The following RGS6 variants were observed in gnomAD, a reference collection of about 807,000 sequenced individuals.
RGS6 encodes the protein regulator of G-protein signaling 6.
A neutral mutation model predicts 78.5 loss-of-function variants in RGS6; 30 were observed. That is an observed-to-expected ratio of 0.38 (90% CI 0.29 to 0.52). The LOEUF (loss-of-function observed/expected upper bound fraction) is 0.52, where lower values mean the gene tolerates loss of function less well. Among genes scored for constraint, RGS6 ranks in the 20% least tolerant of loss-of-function variants. The pLI is 0.85. For synonymous variants in RGS6, 206 were observed against 206.0 expected (o/e 1.00, Z 0.00); for missense variants, 495 against 609.7 (o/e 0.81, Z 1.98).
At chr14:72,023,115 G>T (rs760614253) in intron 2 of RGS6, among the ~76,000 whole-genome samples, 4 of 152,138 alleles carry the variant, frequency 2.6e-5, no homozygotes, top group Non-Finnish European at 5.9e-5. Flanking sequence ...TTACCAACTT[G>T]CCATTTCCAT....
the RGS6 span, among the ~76,000 whole-genome samples, chr14:71,879,729 G>A: frequency 1.3e-5 from 2 of 152,182 alleles, no homozygotes; most frequent in African/African-American, 4.8e-5. Flanking sequence ...GGAACTGTGA[G>A]TATATTAAAG....
intron 2 of RGS6, among the ~76,000 whole-genome samples, chr14:72,112,601 C>G (rs1203565185): frequency 1.3e-5 from 2 of 152,182 alleles, no homozygotes; most frequent in South Asian, 4.1e-4. Context: ...TTATTTGTTT[C>G]TTAGAAACTG....
chr14:72,016,365 A>G (rs1375608384), intron 2 of RGS6, among the ~76,000 whole-genome samples: 1 of 151,666 alleles, frequency 6.6e-6, no homozygotes, highest in Non-Finnish European at 1.5e-5. Flanking sequence ...TTTTATTTTT[A>G]TGTTTATTTT....
chr14:71,987,254 C>G (rs897711857), intron 2 of RGS6, among the ~76,000 whole-genome samples: 6 of 152,082 alleles, frequency 3.9e-5, no homozygotes, highest in Non-Finnish European at 8.8e-5. Flanking sequence ...GCAATCTAAA[C>G]TAAGTCTGGG....
intron 3 of RGS6, among the ~76,000 whole-genome samples, chr14:72,398,272 A>T (rs1566732759): frequency 6.6e-6 from 1 of 152,180 alleles, no homozygotes; most frequent in Non-Finnish European, 1.5e-5. Context: ...TTCCTGGTTT[A>T]GTCTTGGGAG....
the RGS6 span, among the ~76,000 whole-genome samples, chr14:71,923,350 G>A: frequency 6.6e-6 from 1 of 152,206 alleles, no homozygotes; most frequent in African/African-American, 2.4e-5. Flanking sequence ...GGCAAAGTAT[G>A]AATGGAGCAT....
intron 2 of RGS6, among the ~76,000 whole-genome samples, chr14:72,105,401 A>G (rs1225785284): frequency 6.6e-6 from 1 of 152,150 alleles, no homozygotes; most frequent in Non-Finnish European, 1.5e-5. Context: ...ATCATGTTCT[A>G]TTCCTTTTTG....
chr14:72,560,797 C>CGTGTGTGTGTGTGT (rs57504072), intron 17 of RGS6, among the ~76,000 whole-genome samples: 110 of 141,320 alleles, frequency 7.8e-4, no homozygotes, highest in Non-Finnish European at 1.2e-3. Flanking sequence ...ATTTTGTGGA[C>CGTGTGTGTGTGTGT]GTGTGTGTGT....
At chr14:72,338,233 G>A (rs2076388019) in intron 2 of RGS6, among the ~76,000 whole-genome samples, 1 of 152,198 alleles carries the variant, frequency 6.6e-6, no homozygotes, top group African/African-American at 2.4e-5. Flanking sequence ...CCAAGACTGG[G>A]TAATTTATAA....
chr14:72,361,948 G>A (rs148925510), intron 3 of RGS6, among the ~76,000 whole-genome samples: 51 of 152,300 alleles, frequency 3.3e-4, no homozygotes, highest in African/African-American at 1.0e-3. Context: ...TAGCCACCAC[G>A]TAAGAGGGCT....
chr14:72,087,572 A>G (rs185272872), intron 2 of RGS6, among the ~76,000 whole-genome samples: 2 of 152,176 alleles, frequency 1.3e-5, no homozygotes, highest in African/African-American at 4.8e-5. Context: ...CCAGAGAAAT[A>G]CGCGTATTAT....
chr14:72,129,746 T>G (rs2096275871), intron 2 of RGS6, among the ~76,000 whole-genome samples: 2 of 152,104 alleles, frequency 1.3e-5, no homozygotes, highest in African/African-American at 4.8e-5. Flanking sequence ...GGGAGAAGCT[T>G]CCAGGCCTCC....
intron 3 of RGS6, among the ~76,000 whole-genome samples, chr14:72,365,013 G>C (rs181447131): frequency 2.6e-4 from 40 of 152,324 alleles, no homozygotes; most frequent in Non-Finnish European, 5.9e-5. Flanking sequence ...ACCACATTGA[G>C]TTGAAAATTT....
rs754637956 is a variant in RGS6 at position 72,472,838 on chromosome 14, G to A, written c.537-34G>A. 5 of 1,483,556 alleles carry A rather than the reference G, an allele frequency of 3.4e-6. No homozygotes were observed. In the South Asian group the frequency reaches 5.8e-5, roughly 17 times the overall value. The allele number at this position is 1,483,556 out of a possible 1,614,324, so 91.9% of individuals were successfully genotyped here. ...GTCAGAAGGGAAAACAGAATACAGA[G>A]CTTCTTATTTCCTTCCTCTCTTTAC... On this transcript the variant is annotated intron_variant, in intron 8 of 17. Transcript: ENST00000553525.
intron 2 of RGS6, among the ~76,000 whole-genome samples, chr14:71,992,496 G>A (rs1381050996): frequency 6.6e-6 from 1 of 152,186 alleles, no homozygotes; most frequent in Admixed American, 6.5e-5. Context: ...CCACAGCCCT[G>A]TGTAGTGTAG....
chr14:72,607,340 A>G, the RGS6 span, among the ~76,000 whole-genome samples: 1 of 152,242 alleles, frequency 6.6e-6, no homozygotes, highest in Non-Finnish European at 1.5e-5. Context: ...TTCGGTGTCC[A>G]GCAAGGGCCT....
At chr14:71,875,090 T>C in the RGS6 span, among the ~76,000 whole-genome samples, 1 of 152,188 alleles carries the variant, frequency 6.6e-6, no homozygotes, top group African/African-American at 2.4e-5. Context: ...TCAGGGATAT[T>C]GGTCTAAAAT....
intron 2 of RGS6, among the ~76,000 whole-genome samples, chr14:71,987,306 A>G (rs1014330223): frequency 2.6e-5 from 4 of 152,088 alleles, no homozygotes; most frequent in Admixed American, 6.6e-5. Flanking sequence ...AGGGCAGAAA[A>G]GAGGAGAGTT....
chr14:72,246,760 C>T (rs1242626652), intron 2 of RGS6, among the ~76,000 whole-genome samples: 1 of 151,952 alleles, frequency 6.6e-6, no homozygotes, highest in Non-Finnish European at 1.5e-5. Context: ...AAATACAAAA[C>T]TTAGCTGGGC....
Sources: gnomAD v4.1 joint callset for allele counts (sites outside exome capture counted in the v4.1 genomes callset) on GRCh38, gnomAD v4.1.1 for gene constraint, MANE v1.5 for transcripts, NCBI Gene and HGNC (gene_info 2026-07-23, HGNC 2026-07-21) for gene names.